The following SLCO6A1 variants were observed in gnomAD, a reference collection of about 807,000 sequenced individuals.
SLCO6A1 encodes cancer/testis antigen 48.
SLCO6A1 carries 65 observed loss-of-function variants against 72.7 expected under a neutral mutation model. That is an observed-to-expected ratio of 0.89 (90% CI 0.73 to 1.10). The LOEUF (loss-of-function observed/expected upper bound fraction) is 1.10, where lower values mean the gene tolerates loss of function less well. Ranked by LOEUF, SLCO6A1 falls within the 50% of genes least tolerant of loss-of-function variation. The pLI, the probability that SLCO6A1 is intolerant of heterozygous loss-of-function variation, is 0.00. For synonymous variants in SLCO6A1, 314 were observed against 298.2 expected, an observed-to-expected ratio of 1.05 and a Z score of -0.55; for missense variants, 874 against 872.6, an observed-to-expected ratio of 1.00 and a Z score of -0.02.
chr5:102,476,237 A>G (rs1322656506), intron 3 of SLCO6A1, among the ~76,000 whole-genome samples: 1 of 152,122 alleles, frequency 6.6e-6, no homozygotes, highest in Non-Finnish European at 1.5e-5. Context: ...CAAAAATAAA[A>G]ATGACCTTCA....
At chr5:102,464,716 C>A (rs909071708) in intron 4 of SLCO6A1, among the ~76,000 whole-genome samples, 2 of 152,076 alleles carry the variant, frequency 1.3e-5, no homozygotes, top group African/African-American at 4.8e-5. Flanking sequence ...TAAAGAGACA[C>A]CACCAAGCCA....
chr5:102,442,606 G>T (rs1399000173), intron 6 of SLCO6A1, among the ~76,000 whole-genome samples: 2 of 152,166 alleles, frequency 1.3e-5, no homozygotes, highest in Non-Finnish European at 1.5e-5. Context: ...ACAGATCGCA[G>T]CTCCTATTCC....
chr5:102,452,500 G>A lies in SLCO6A1; in HGVS notation c.1131+5882C>T, dbSNP rs144412854. Among the ~76,000 whole-genome samples, 352 of 151,826 alleles carry A rather than the reference G, an allele frequency of 2.3e-3. 3 individuals are homozygous for A. Among genetic ancestry groups the A allele is most frequent in the African/African-American group, 7.3e-3 (303 of 41,398 alleles). On this transcript the variant is annotated intron_variant, in intron 6 of 13. Transcript: ENST00000506729. ...TTTTACATTTATAACTTTTAACCTCGTGGATATTATAACTGCATAAAAATG... is the reference window on the plus strand; with the variant it reads ...TTTTACATTTATAACTTTTAACCTCATGGATATTATAACTGCATAAAAATG...
In SLCO6A1 at chr5:102,406,116, T is replaced by C. The variant is rs1230278158; in HGVS notation, c.1627-6374A>G. 2.0e-5 allele frequency among the ~76,000 whole-genome samples: 3 copies of C among 150,396 alleles called. No homozygotes were observed. The South Asian group carries it at 6.2e-4, about 31-fold the overall frequency. ...TCCAATAATAAAATAAGCAGCTAGATCTAAACTCAGCCATACTGATAACTC... is the reference window on the plus strand; with the variant it reads ...TCCAATAATAAAATAAGCAGCTAGACCTAAACTCAGCCATACTGATAACTC... On this transcript the variant is annotated intron_variant, in intron 9 of 13. Coordinates refer to ENST00000506729, the MANE Select transcript of SLCO6A1 (RefSeq NM_173488.5).
In SLCO6A1 at chr5:102,413,102, T is replaced by C; in HGVS notation, c.1514A>G (p.Lys505Arg). Residue 505 changes from lysine to arginine, a missense_variant, in exon 9 of 14, where the codon AAA (lysine) becomes AGA (arginine). By Grantham distance (26) the Lys-to-Arg change is conservative. Coordinates refer to ENST00000506729, the MANE Select transcript of SLCO6A1 (RefSeq NM_173488.5). The part of the protein sequence containing the change: ...LGNLTAPCNE[K>R]CRCSSSIYSS... Reference sequence around the variant, plus strand: ...ATAAATTGAAGATGAGCATCTACATTTTTCATTGCAAGGAGCCGTGAGGTT... The same window carrying C: ...ATAAATTGAAGATGAGCATCTACATCTTTCATTGCAAGGAGCCGTGAGGTT... 6.4e-7 allele frequency: 1 copy of C among 1,568,736 alleles called. No homozygotes were observed. The highest frequency in any genetic ancestry group is 2.0e-5 in the Admixed American group (1 of 51,264).
intron 6 of SLCO6A1, among the ~76,000 whole-genome samples, chr5:102,453,879 T>G (rs923620600): frequency 6.6e-6 from 1 of 152,070 alleles, no homozygotes; most frequent in Non-Finnish European, 1.5e-5. Context: ...ATATTCAAGT[T>G]TCAGGCAGTT....
At chr5:102,400,138 G>T (rs1747320162) in intron 9 of SLCO6A1, among the ~76,000 whole-genome samples, 1 of 151,908 alleles carries the variant, frequency 6.6e-6, no homozygotes, top group Admixed American at 6.6e-5. Context: ...ACCCAATTGT[G>T]AAAGGCTTTG....
At chr5:102,406,076 C>T (rs996834751) in intron 9 of SLCO6A1, among the ~76,000 whole-genome samples, 1 of 151,780 alleles carries the variant, frequency 6.6e-6, no homozygotes, top group African/African-American at 2.4e-5. Flanking sequence ...AGTGAAATAG[C>T]AAAGTGTATT....
chr5:102,404,380 A>C (rs1039200554), intron 9 of SLCO6A1, among the ~76,000 whole-genome samples: 2 of 152,154 alleles, frequency 1.3e-5, no homozygotes, highest in Non-Finnish European at 2.9e-5. Flanking sequence ...CTGTAGTCCC[A>C]GCTACTTGGG....
In SLCO6A1 at chr5:102,385,413, G is replaced by A. The variant is rs534129715; in HGVS notation, c.2017+3275C>T. On this transcript the variant is annotated intron_variant, in intron 12 of 13. Transcript: ENST00000506729. ...GCTTTCTACCCCTTTATCTTTCTCTGTTCCTTCTGGGACTCTCATAATGCA... is the reference window on the plus strand; with the variant it reads ...GCTTTCTACCCCTTTATCTTTCTCTATTCCTTCTGGGACTCTCATAATGCA... 5.9e-5 allele frequency among the ~76,000 whole-genome samples: 9 copies of A among 152,030 alleles called. No individual in the cohort carries two copies. In the South Asian group the frequency reaches 1.9e-3, roughly 32 times the overall value.
Position 102,373,385 on chromosome 5 carries a change from T to C in SLCO6A1, c.2127A>G (p.Pro709=). 15 of 1,575,412 alleles carry C rather than the reference T, an allele frequency of 9.5e-6. No individual in the cohort carries two copies. Among genetic ancestry groups the C allele is most frequent in the Non-Finnish European group, 1.3e-5 (15 of 1,164,900 alleles). The change falls in exon 13 of 14, where the codon CCA becomes CCG. Residue 709 remains proline, a synonymous_variant. Transcript: ENST00000506729. ...CAGTTTCTTCTTTTTTCTTAACTTT[T>C]GGATTCTTCACAGTTACATCTGGGA... The part of the protein sequence containing the change: ...TDFPDVTVKN[P]KVKKKEETDL
intron 9 of SLCO6A1, among the ~76,000 whole-genome samples, chr5:102,408,755 T>C (rs142438576): frequency 3.9e-5 from 6 of 152,188 alleles, no homozygotes; most frequent in Non-Finnish European, 7.4e-5. Flanking sequence ...CAATATTGAT[T>C]GTACAAAAGC....
chr5:102,381,022 C>T (rs954805157), intron 12 of SLCO6A1, among the ~76,000 whole-genome samples: 1 of 151,840 alleles, frequency 6.6e-6, no homozygotes, highest in Non-Finnish European at 1.5e-5. Context: ...TGACTATACA[C>T]TTTAAAATGA....
At chr5:102,421,030 C>G (rs1748567515) in intron 7 of SLCO6A1, among the ~76,000 whole-genome samples, 1 of 152,058 alleles carries the variant, frequency 6.6e-6, no homozygotes, top group South Asian at 2.1e-4. Flanking sequence ...GGAACTCCCT[C>G]CCCTAGCCAA....
intron 9 of SLCO6A1, among the ~76,000 whole-genome samples, chr5:102,403,485 T>C (rs964202422): frequency 2.6e-5 from 4 of 152,306 alleles, no homozygotes; most frequent in African/African-American, 4.8e-5. Context: ...TTCTAAGATA[T>C]CATGTTAAAA....
intron 10 of SLCO6A1, among the ~76,000 whole-genome samples, chr5:102,392,002 A>T (rs1746788220): frequency 6.6e-6 from 1 of 152,138 alleles, no homozygotes; most frequent in African/African-American, 2.4e-5. Flanking sequence ...AAAGTTAAAA[A>T]ATAAGAACTA....
At chr5:102,444,187 G>A (rs1749988629) in intron 6 of SLCO6A1, among the ~76,000 whole-genome samples, 1 of 152,168 alleles carries the variant, frequency 6.6e-6, no homozygotes, top group Non-Finnish European at 1.5e-5. Flanking sequence ...TCTAATAGAA[G>A]TCAAAAACAA....
chr5:102,387,236 A>T (rs1050019350), intron 12 of SLCO6A1, among the ~76,000 whole-genome samples: 2 of 152,220 alleles, frequency 1.3e-5, no homozygotes, highest in African/African-American at 4.8e-5. Context: ...AAATATATTT[A>T]AAAATATACT....
intron 9 of SLCO6A1, among the ~76,000 whole-genome samples, chr5:102,404,423 A>G (rs1747559752): frequency 6.6e-6 from 1 of 152,160 alleles, no homozygotes; most frequent in African/African-American, 2.4e-5. Context: ...TGAACCGGGG[A>G]GGCGGAGCTT....
Sources: gnomAD v4.1 joint callset for allele counts (sites outside exome capture counted in the v4.1 genomes callset) on GRCh38, gnomAD v4.1.1 for gene constraint, MANE v1.5 for transcripts, NCBI Gene and HGNC (gene_info 2026-07-23, HGNC 2026-07-21) for gene names.